The following NR3C2 variants were observed in gnomAD, a reference collection of about 807,000 sequenced individuals.
NR3C2 encodes nuclear receptor subfamily 3 group C member 2, also known as mineralocorticoid receptor.
NR3C2 carries 15 observed loss-of-function variants against 86.4 expected under a neutral mutation model. The ratio of observed to expected loss-of-function variants is 0.17; its 90% CI spans 0.12 to 0.27. NR3C2 has a LOEUF of 0.27. Ranked by LOEUF, NR3C2 falls within the 10% of genes least tolerant of loss-of-function variation. The pLI is 1.00. For synonymous variants in NR3C2, 458 were observed against 450.5 expected, an observed-to-expected ratio of 1.02 and a Z score of -0.21; for missense variants, 960 against 1,195.6, an observed-to-expected ratio of 0.80 and a Z score of 2.91.
At chr4:148,324,741 T>TTTAA (rs1468926942) in intron 2 of NR3C2, among the ~76,000 whole-genome samples, 6 of 152,216 alleles carry the variant, frequency 3.9e-5, no homozygotes, top group African/African-American at 1.4e-4. Flanking sequence ...ATTAGCCTTA[T>TTTAA]TGTGGTACTC....
chr4:148,184,910 C>T (rs941130941), intron 4 of NR3C2, among the ~76,000 whole-genome samples: 2 of 152,188 alleles, frequency 1.3e-5, no homozygotes, highest in Admixed American at 1.3e-4. Flanking sequence ...TTAATTATCT[C>T]ACTGCCTGGG....
chr4:148,151,437 G>T (rs1222693310), intron 6 of NR3C2, among the ~76,000 whole-genome samples: 1 of 152,174 alleles, frequency 6.6e-6, no homozygotes, highest in Non-Finnish European at 1.5e-5. Context: ...GAACACTGAT[G>T]CAGTACTAGA....
intron 8 of NR3C2, among the ~76,000 whole-genome samples, chr4:148,104,344 T>TTGGTTG (rs1419893962): frequency 2.3e-5 from 3 of 128,328 alleles, no homozygotes; most frequent in Non-Finnish European, 4.6e-5. Context: ...TTGGTTTGGT[T>TTGGTTG]TTTTTTTTTT....
chr4:148,166,242 T>A (rs1184062665), intron 4 of NR3C2, among the ~76,000 whole-genome samples: 1 of 152,228 alleles, frequency 6.6e-6, no homozygotes, highest in Non-Finnish European at 1.5e-5. Context: ...TGCAGTTGCT[T>A]CTCCTGTTTG....
intron 2 of NR3C2, among the ~76,000 whole-genome samples, chr4:148,390,811 C>T (rs927354518): frequency 6.6e-6 from 1 of 152,034 alleles, no homozygotes; most frequent in Non-Finnish European, 1.5e-5. Context: ...TACATGCTTA[C>T]CTATAAAAGT....
chr4:148,443,912 C>A (rs988265572), upstream of NR3C2: 1 of 824,178 alleles, frequency 1.2e-6, no homozygotes, highest in Admixed American at 6.2e-5. Context: ...TCAGGAACTC[C>A]CTGGAGATAG....
At chr4:148,325,800 C>T (rs1349267716) in intron 2 of NR3C2, among the ~76,000 whole-genome samples, 1 of 152,152 alleles carries the variant, frequency 6.6e-6, no homozygotes, top group Non-Finnish European at 1.5e-5. Context: ...ATTGATTATC[C>T]TTCAGTATAT....
chr4:148,437,220 G>C (rs2070950), intron 1 of NR3C2, among the ~76,000 whole-genome samples: 66,150 of 152,072 alleles, frequency 0.43, 16,430 homozygotes, highest in East Asian at 0.76. Flanking sequence ...AAAGGTAACT[G>C]AGGACTTAGT....
At chr4:148,410,809 G>A (rs1299706232) in intron 2 of NR3C2, among the ~76,000 whole-genome samples, 2 of 152,146 alleles carry the variant, frequency 1.3e-5, no homozygotes, top group African/African-American at 4.8e-5. Flanking sequence ...AGGTAATAAT[G>A]CTATAATTCA....
chr4:148,302,380 A>C (rs1243595810), intron 2 of NR3C2, among the ~76,000 whole-genome samples: 2 of 109,016 alleles, frequency 1.8e-5, no homozygotes, highest in African/African-American at 7.1e-5. Flanking sequence ...TGGAGCTATT[A>C]ATGGCCTTTA....
At chr4:148,303,875 G>A (rs757709431) in intron 2 of NR3C2, among the ~76,000 whole-genome samples, 3 of 152,202 alleles carry the variant, frequency 2.0e-5, no homozygotes, top group African/African-American at 4.8e-5. Flanking sequence ...GGGTATGAGC[G>A]GATATTTCCA....
intron 2 of NR3C2, among the ~76,000 whole-genome samples, chr4:148,390,337 TC>T (rs771501035): frequency 1.4e-4 from 22 of 152,162 alleles, no homozygotes; most frequent in Non-Finnish European, 2.9e-4. Flanking sequence ...TCTAGTCTTT[TC>T]CAAACAGAAA....
At chr4:148,234,008 AG>A (rs1194876783) in intron 3 of NR3C2, among the ~76,000 whole-genome samples, 3 of 152,204 alleles carry the variant, frequency 2.0e-5, no homozygotes, top group African/African-American at 4.8e-5. Context: ...AATAACTGCA[AG>A]GCACAATAAA....
chr4:148,337,063 G>A (rs1354163252), intron 2 of NR3C2, among the ~76,000 whole-genome samples: 3 of 152,162 alleles, frequency 2.0e-5, no homozygotes, highest in Non-Finnish European at 2.9e-5. Flanking sequence ...CCAAAGTGCT[G>A]GGACTACAGG....
At chr4:148,387,261 G>T (rs1747312070) in intron 2 of NR3C2, among the ~76,000 whole-genome samples, 1 of 152,088 alleles carries the variant, frequency 6.6e-6, no homozygotes, top group Admixed American at 6.6e-5. Context: ...CCACCATGAG[G>T]CAACAAGCAT....
intron 4 of NR3C2, among the ~76,000 whole-genome samples, chr4:148,170,539 C>T (rs919305186): frequency 1.3e-5 from 2 of 152,150 alleles, no homozygotes; most frequent in African/African-American, 4.8e-5. Context: ...CTGGCAATAC[C>T]TGCAACAAAT....
intron 2 of NR3C2, among the ~76,000 whole-genome samples, chr4:148,322,987 G>GT (rs1200819025): frequency 3.3e-5 from 5 of 150,522 alleles, no homozygotes; most frequent in Non-Finnish European, 7.4e-5. Context: ...TTTCTGTTCT[G>GT]TTTTTTCCCC....
chr4:148,180,792 T>A (rs918095943), intron 4 of NR3C2, among the ~76,000 whole-genome samples: 1 of 152,352 alleles, frequency 6.6e-6, no homozygotes, highest in Admixed American at 6.5e-5. Flanking sequence ...CATAATTTTA[T>A]TGGCCCGTTA....
At chr4:148,316,627 C>G (rs1743193387) in intron 2 of NR3C2, among the ~76,000 whole-genome samples, 1 of 152,092 alleles carries the variant, frequency 6.6e-6, no homozygotes, top group African/African-American at 2.4e-5. Flanking sequence ...TTATAATTAG[C>G]CAAAATTATG....
Sources: allele counts gnomAD v4.1 joint callset (sites outside exome capture counted in the v4.1 genomes callset), GRCh38; gene constraint gnomAD v4.1.1; transcripts MANE v1.5; gene names NCBI Gene and HGNC (gene_info 2026-07-23, HGNC 2026-07-21).